The following FERRY3 variants were observed in gnomAD, a reference collection of about 807,000 sequenced individuals.
The protein encoded by FERRY3 is protein C12orf4.
the FERRY3 span, among the ~76,000 whole-genome samples, chr12:4,504,007 A>C: frequency 1.3e-5 from 2 of 152,248 alleles, no homozygotes; most frequent in Non-Finnish European, 2.9e-5. Context: ...TTTTTAGATG[A>C]AGAGGAGGAT....
At chr12:4,538,326 G>C in the FERRY3 span, 1 of 152,900 alleles carries the variant, frequency 6.5e-6, no homozygotes, top group African/African-American at 2.4e-5. Flanking sequence ...GTCGAGCTGA[G>C]AAACTTCAGC....
chr12:4,500,117 A>T, the FERRY3 span: 6 of 1,581,028 alleles, frequency 3.8e-6, no homozygotes, highest in Admixed American at 5.0e-5. Flanking sequence ...ATAAAATTAC[A>T]GGATTTTTCT....
the FERRY3 span, among the ~76,000 whole-genome samples, chr12:4,508,013 T>C: frequency 1.3e-5 from 2 of 152,204 alleles, no homozygotes; most frequent in Admixed American, 1.3e-4. Flanking sequence ...TGAGAGTGTT[T>C]TACCTATTTA....
At chr12:4,529,297 T>C in the FERRY3 span, among the ~76,000 whole-genome samples, 1 of 152,148 alleles carries the variant, frequency 6.6e-6, no homozygotes, top group Non-Finnish European at 1.5e-5. Context: ...GGAACAATAC[T>C]AGTGTTATTA....
the FERRY3 span, among the ~76,000 whole-genome samples, chr12:4,497,489 A>G: frequency 1.2e-4 from 18 of 152,324 alleles, no homozygotes; most frequent in African/African-American, 4.1e-4. Context: ...ACCTTTCTAT[A>G]CGTGTGTTAT....
the FERRY3 span, among the ~76,000 whole-genome samples, chr12:4,533,566 G>C: frequency 1.3e-5 from 2 of 152,220 alleles, no homozygotes; most frequent in South Asian, 4.1e-4. Flanking sequence ...TTAATTTGCA[G>C]TGCTCTTTCT....
chr12:4,528,635 C>A, the FERRY3 span, among the ~76,000 whole-genome samples: 5 of 151,976 alleles, frequency 3.3e-5, no homozygotes, highest in Admixed American at 6.5e-5. Flanking sequence ...CAGAGGAGTA[C>A]AATTGTTATG....
At chr12:4,516,792 C>A in the FERRY3 span, among the ~76,000 whole-genome samples, 1 of 152,030 alleles carries the variant, frequency 6.6e-6, no homozygotes, top group Non-Finnish European at 1.5e-5. Context: ...TGCAGCAAAC[C>A]GCCATGGCAC....
chr12:4,521,126 C>G, the FERRY3 span, among the ~76,000 whole-genome samples: 1 of 151,892 alleles, frequency 6.6e-6, no homozygotes, highest in Non-Finnish European at 1.5e-5. Flanking sequence ...TTTGGGAGGC[C>G]GAGGTGGGCG....
chr12:4,519,109 T>A, the FERRY3 span, among the ~76,000 whole-genome samples: 1 of 152,242 alleles, frequency 6.6e-6, no homozygotes, highest in Non-Finnish European at 1.5e-5. This position sits in a 1 kb window ranked among gnomAD's most constrained non-coding sequence, Gnocchi z 4.3. Flanking sequence ...TTATTTTCAA[T>A]CATTATAATG....
At chr12:4,526,078 C>T in the FERRY3 span, among the ~76,000 whole-genome samples, 5 of 152,210 alleles carry the variant, frequency 3.3e-5, 1 homozygote, top group South Asian at 8.3e-4. Flanking sequence ...TACAGAGAGA[C>T]GTAAAATACA....
At chr12:4,510,883 T>A in the FERRY3 span, among the ~76,000 whole-genome samples, 1 of 151,710 alleles carries the variant, frequency 6.6e-6, no homozygotes. Flanking sequence ...AGGATCAAAT[T>A]CACACATAAC....
At chr12:4,515,789 C>T in the FERRY3 span, among the ~76,000 whole-genome samples, 1 of 152,076 alleles carries the variant, frequency 6.6e-6, no homozygotes, top group African/African-American at 2.4e-5. Context: ...ATTAAGAGGA[C>T]AGATCTTAAG....
chr12:4,508,299 T>C, the FERRY3 span, among the ~76,000 whole-genome samples: 2 of 152,156 alleles, frequency 1.3e-5, no homozygotes, highest in African/African-American at 4.8e-5. Context: ...AATACTACAA[T>C]GGTTTCTTTA....
At chr12:4,534,314 A>G in the FERRY3 span, 5 of 1,582,758 alleles carry the variant, frequency 3.2e-6, no homozygotes, top group Non-Finnish European at 4.3e-6. Context: ...TGTTACAGGG[A>G]CATCAAACAC....
chr12:4,489,039 T>G, the FERRY3 span: 1 of 152,656 alleles, frequency 6.6e-6, no homozygotes, highest in South Asian at 2.1e-4. Context: ...AATGTAGAAA[T>G]GATCTTCCTT....
the FERRY3 span, among the ~76,000 whole-genome samples, chr12:4,526,602 G>A: frequency 6.6e-6 from 1 of 152,196 alleles, no homozygotes; most frequent in Non-Finnish European, 1.5e-5. Flanking sequence ...AGCACTTTGG[G>A]AGGCCGAGGT....
the FERRY3 span, among the ~76,000 whole-genome samples, chr12:4,494,119 T>C: frequency 1.3e-5 from 2 of 151,986 alleles, no homozygotes; most frequent in Non-Finnish European, 2.9e-5. Context: ...AATAAATGTC[T>C]ACCGCTACGG....
At chr12:4,493,703 A>C in the FERRY3 span, among the ~76,000 whole-genome samples, 1 of 152,206 alleles carries the variant, frequency 6.6e-6, no homozygotes, top group South Asian at 2.1e-4. Context: ...GGTCTTATGG[A>C]GTACACACAT....
Sources: allele counts gnomAD v4.1 joint callset (sites outside exome capture counted in the v4.1 genomes callset), GRCh38; gene constraint gnomAD v4.1.1; non-coding constraint Gnocchi (gnomAD v3.1); transcripts MANE v1.5; gene names NCBI Gene and HGNC (gene_info 2026-07-23, HGNC 2026-07-21).